FNTA: variants seen among roughly 807,000 people sequenced by gnomAD.
The protein encoded by FNTA is farnesyltransferase, CAAX box, subunit alpha.
FNTA carries 27 observed loss-of-function variants against 55.2 expected under a neutral mutation model. The ratio of observed to expected loss-of-function variants is 0.49; its 90% CI spans 0.36 to 0.67. FNTA has a LOEUF of 0.67. FNTA is among the 30% of genes least tolerant of loss of function. The probability of loss-of-function intolerance (pLI) is 0.00; values close to 1 mark genes in which losing one functional copy is unlikely to be tolerated. For missense variants in FNTA, 422 were observed against 464.7 expected (o/e 0.91, Z 0.85); for synonymous variants, 176 against 170.7 (o/e 1.03, Z -0.24).
At chr8:43,078,736 C>T (rs1295266605) in intron 6 of FNTA, 1 of 152,240 alleles carries the variant, frequency 6.6e-6, no homozygotes, top group African/African-American at 2.4e-5. Context: ...GTCACAGCCT[C>T]TCACTTTAAA....
At chr8:43,074,285 A>G (rs1810858742) in intron 5 of FNTA, among the ~76,000 whole-genome samples, 1 of 152,232 alleles carries the variant, frequency 6.6e-6, no homozygotes, top group Non-Finnish European at 1.5e-5. Flanking sequence ...ACACTTTGGG[A>G]GGCCCAGGCA....
At chr8:43,058,789 TA>T (rs1810469470) in intron 1 of FNTA, among the ~76,000 whole-genome samples, 2 of 151,800 alleles carry the variant, frequency 1.3e-5, no homozygotes, top group African/African-American at 4.8e-5. Flanking sequence ...AAAAATAAAA[TA>T]AAAAAAAGTA....
rs1810895703 is a variant in FNTA at position 43,075,760 on chromosome 8, G to A, written c.634-1456G>A. Among the ~76,000 whole-genome samples, 5 of 152,184 alleles carry A rather than the reference G, an allele frequency of 3.3e-5. No homozygotes were observed. The South Asian group carries it at 6.2e-4, about 19-fold the overall frequency. ...GAGTCTGGGAGTTGGAGGTTACAGC[G>A]AGCTGAGACTATGCCACTGCACTGC... On this transcript the variant is annotated intron_variant, in intron 5 of 8. Transcript: ENST00000302279.
At chr8:43,060,335 CAT>C (rs1251518260) in intron 2 of FNTA, among the ~76,000 whole-genome samples, 2 of 152,222 alleles carry the variant, frequency 1.3e-5, no homozygotes, top group East Asian at 1.9e-4. Context: ...CTAATATAAT[CAT>C]ATGTTTCCAT....
chr8:43,066,846 G>A (rs1810672950), intron 3 of FNTA, among the ~76,000 whole-genome samples: 1 of 152,126 alleles, frequency 6.6e-6, no homozygotes, highest in Non-Finnish European at 1.5e-5. Context: ...CAGTATTTAA[G>A]TCTTTTCTCT....
chr8:43,068,856 G>A (rs1810721441), intron 3 of FNTA, among the ~76,000 whole-genome samples: 1 of 152,076 alleles, frequency 6.6e-6, no homozygotes, highest in Non-Finnish European at 1.5e-5. Flanking sequence ...GGGATTACAG[G>A]CATGCACCAC....
chr8:43,066,132 ATTTG>A, intron 3 of FNTA, among the ~76,000 whole-genome samples: 1 of 148,404 alleles, frequency 6.7e-6, no homozygotes, highest in Non-Finnish European at 1.5e-5. Context: ...TCTTATTTTC[ATTTG>A]TTTATCTTTT....
chr8:43,084,468 T>C (rs186349068), intron 7 of FNTA, among the ~76,000 whole-genome samples: 144 of 152,286 alleles, frequency 9.5e-4, no homozygotes, highest in African/African-American at 3.3e-3. Context: ...GTGTTCCTCC[T>C]GCCTCTGTTT....
intron 4 of FNTA, 132 bp from the exon 5 acceptor site, chr8:43,072,048 TG>T: frequency 1.8e-6 from 1 of 556,836 alleles, no homozygotes; most frequent in East Asian, 3.2e-5. Flanking sequence ...TTCTCCACAG[TG>T]GAGTGTTAAG....
intron 1 of FNTA, chr8:43,057,018 T>G (rs1021584169): frequency 2.0e-5 from 3 of 152,256 alleles, no homozygotes; most frequent in Admixed American, 2.0e-4. Context: ...CTGGCTCTGC[T>G]TGGAGCCCAG....
chr8:43,080,473 A>G (rs1435844509), intron 6 of FNTA: 1 of 152,172 alleles, frequency 6.6e-6, no homozygotes, highest in Non-Finnish European at 1.5e-5. Context: ...ATATGATGCT[A>G]TTGCATACTA....
At chr8:43,061,408 TGAG>T (rs1367874893) in intron 2 of FNTA, among the ~76,000 whole-genome samples, 1 of 152,216 alleles carries the variant, frequency 6.6e-6, no homozygotes, top group Non-Finnish European at 1.5e-5. Flanking sequence ...CTGTGTAAAA[TGAG>T]GATCTTGGTA....
At chr8:43,074,536 A>G (rs1810865496) in intron 5 of FNTA, among the ~76,000 whole-genome samples, 1 of 116,964 alleles carries the variant, frequency 8.5e-6, no homozygotes, top group African/African-American at 2.9e-5. Flanking sequence ...AAAGAAAAAA[A>G]ATTAAAAGTG....
intron 7 of FNTA, 125 bp from the exon 8 acceptor site, chr8:43,084,585 G>A (rs1044254899): frequency 4.0e-5 from 27 of 683,386 alleles, no homozygotes; most frequent in African/African-American, 1.3e-4. Context: ...TAGTTTCAGC[G>A]TCATTCATTC....
intron 7 of FNTA, 21 bp from the exon 8 acceptor site, chr8:43,084,689 G>GT (rs770082866): frequency 1.3e-6 from 2 of 1,561,546 alleles, no homozygotes; most frequent in Non-Finnish European, 8.6e-7. Context: ...TCAAGTCTTT[G>GT]TTTTTTGTTG....
chr8:43,078,943 A>G (rs1304546829), intron 6 of FNTA: 1 of 152,336 alleles, frequency 6.6e-6, no homozygotes, highest in Admixed American at 6.5e-5. Context: ...GCCTGGATAA[A>G]AGATAAAACC....
At chr8:43,073,535 A>G (rs1170237828) in intron 5 of FNTA, 1 of 152,162 alleles carries the variant, frequency 6.6e-6, no homozygotes. Context: ...TGCACTCTGG[A>G]TGTGCTGACC....
intron 3 of FNTA, among the ~76,000 whole-genome samples, chr8:43,064,619 A>G (rs1474108019): frequency 6.6e-6 from 1 of 150,736 alleles, no homozygotes; most frequent in African/African-American, 2.4e-5. Flanking sequence ...CTGGCCTTTA[A>G]TTTTTATCAA....
chr8:43,066,748 T>C (rs2130551065), intron 3 of FNTA, among the ~76,000 whole-genome samples: 1 of 152,318 alleles, frequency 6.6e-6, no homozygotes, highest in Middle Eastern at 3.4e-3. Context: ...TTGGAAGCCC[T>C]GTGTGTGGCA....
Sources: allele counts gnomAD v4.1 joint callset (sites outside exome capture counted in the v4.1 genomes callset), GRCh38; gene constraint gnomAD v4.1.1; transcripts MANE v1.5; gene names NCBI Gene and HGNC (gene_info 2026-07-23, HGNC 2026-07-21).